The following NAA30 variants were observed in gnomAD, a reference collection of about 807,000 sequenced individuals.
The protein encoded by NAA30 is N-alpha-acetyltransferase 30.
NAA30 carries 5 observed loss-of-function variants against 31.4 expected under a neutral mutation model. The ratio of observed to expected loss-of-function variants is 0.16; its 90% CI spans 0.08 to 0.33. The LOEUF (loss-of-function observed/expected upper bound fraction) is 0.33. Ranked by LOEUF, NAA30 falls within the 10% of genes least tolerant of loss-of-function variation. The probability of loss-of-function intolerance (pLI) is 1.00; values close to 1 mark genes in which losing one functional copy is unlikely to be tolerated. For synonymous variants in NAA30, 222 were observed against 207.1 expected, an observed-to-expected ratio of 1.07 and a Z score of -0.62; for missense variants, 428 against 490.8, an observed-to-expected ratio of 0.87 and a Z score of 1.21.
In NAA30 at chr14:57,391,488, G is replaced by A. The variant is rs541444384; in HGVS notation, c.531G>A (p.Glu177=). Residue 177 remains glutamate (E), a synonymous_variant, in exon 2 of 5, where the codon GAG becomes GAA. Coordinates refer to ENST00000556492, the MANE Select transcript of NAA30 (RefSeq NM_001011713.3). The surrounding 1 kb of genome is among the most constrained non-coding windows in gnomAD (Gnocchi z 4.1). ...NGLAEGTEQE[E]EEEDEQVRLL... ...TGGCCGAGGGCACCGAGCAGGAGGA[G>A]GAGGAGGAAGACGAGCAGGTGCGGC... 2.5e-6 allele frequency: 4 copies of A among 1,613,294 alleles called. No individual in the cohort carries two copies. The highest frequency in any genetic ancestry group is 4.5e-5 in the East Asian group (2 of 44,876).
rs951290789 is a variant in NAA30, at chr14:57,412,378, G to T, written c.*2862G>T. On this transcript the variant is annotated 3_prime_UTR_variant, in exon 5 of 5. Coordinates refer to ENST00000556492, the MANE Select transcript of NAA30 (RefSeq NM_001011713.3). ...GTACTGGCTGACATGTCTAAGACTG[G>T]ATGTGTATATTTATTATGGTGTCTA... 6.6e-6 allele frequency: 1 copy of T among 152,052 alleles called. No individual in the cohort carries two copies. Among genetic ancestry groups the T allele is most frequent in the African/African-American group, 2.4e-5 (1 of 41,406 alleles). 9.4% of individuals were successfully genotyped at this position (152,052 alleles called of 1,614,324 possible).
In NAA30 at chr14:57,409,545, C is replaced by T. The variant is rs761691487; in HGVS notation, c.*29C>T. Reference sequence around the variant, plus strand: ...ACTGACATCAAGGAACAACTATCATCCGCACAGAATCGACCTTTGCATGCA... The same window carrying T: ...ACTGACATCAAGGAACAACTATCATTCGCACAGAATCGACCTTTGCATGCA... On this transcript the variant is annotated 3_prime_UTR_variant, in exon 5 of 5. Transcript: ENST00000556492. The T allele has an allele frequency of 1.3e-6, 2 of 1,582,412 alleles. No individual in the cohort carries two copies. The highest frequency in any genetic ancestry group is 1.9e-5 in the Admixed American group (1 of 51,742).
At chr14:57,404,466 A>G (rs966637064) in intron 4 of NAA30, among the ~76,000 whole-genome samples, 2 of 152,210 alleles carry the variant, frequency 1.3e-5, no homozygotes, top group African/African-American at 4.8e-5. Flanking sequence ...CACGTCATCT[A>G]ATTTTTGCTT....
At chr14:57,394,445 A>G (rs1480228104) in intron 2 of NAA30, among the ~76,000 whole-genome samples, 3 of 152,138 alleles carry the variant, frequency 2.0e-5, no homozygotes, top group Non-Finnish European at 4.4e-5. Flanking sequence ...TTGAAAAAAT[A>G]CATTTAATAG....
intron 4 of NAA30, among the ~76,000 whole-genome samples, chr14:57,404,529 A>T (rs2066490452): frequency 6.6e-6 from 1 of 152,192 alleles, no homozygotes. Context: ...ACATTACAGA[A>T]AACTTGGGAA....
At chr14:57,399,677 A>T in intron 3 of NAA30, 151 bp from the exon 4 acceptor site, 1 of 594,790 alleles carries the variant, frequency 1.7e-6, no homozygotes, top group Non-Finnish European at 3.0e-6. Flanking sequence ...GCTTATAGCT[A>T]AAATTTTTCC....
In NAA30 at chr14:57,391,174, C is replaced by T; in HGVS notation, c.217C>T (p.Arg73Cys). 1.2e-6 allele frequency: 2 copies of T among 1,609,516 alleles called. No homozygotes were observed. Among genetic ancestry groups the T allele is most frequent in the South Asian group, 2.2e-5 (2 of 90,944 alleles). Residue 73 changes from arginine to cysteine, a missense_variant, in exon 2 of 5, where the codon CGC becomes TGC. Physicochemically the swap from Arg to Cys is radical, Grantham distance 180 (BLOSUM62 -3). Transcript: ENST00000556492. This position sits in a 1 kb window ranked among gnomAD's most constrained non-coding sequence, Gnocchi z 4.1. ...TVAAKGHPCL[R>C]CPQPPQEQQQ... ...GGCGGCCAAGGGGCATCCGTGCCTC[C>T]GCTGCCCTCAGCCGCCGCAGGAGCA...
intron 2 of NAA30, among the ~76,000 whole-genome samples, chr14:57,392,782 A>G (rs1399931637): frequency 6.6e-6 from 1 of 152,174 alleles, no homozygotes; most frequent in Admixed American, 6.5e-5. Flanking sequence ...TCACTTGGTA[A>G]TTCCCTGCAA....
At chr14:57,390,885 C>G in intron 1 of NAA30, 72 bp from the exon 2 acceptor site, 2 of 1,424,954 alleles carry the variant, frequency 1.4e-6, no homozygotes, top group Non-Finnish European at 1.8e-6. Context: ...CGCCCCCCAT[C>G]CGTCGCCCCC....
At position 57,412,697 on chromosome 14, in the gene NAA30, T is replaced by C. The variant is rs1403116461; in HGVS notation, c.*3181T>C. 1 of 152,214 alleles carries C rather than the reference T, an allele frequency of 6.6e-6. No homozygotes were observed. The highest frequency in any genetic ancestry group is 1.9e-4 in the East Asian group (1 of 5,202). 9.4% of individuals were successfully genotyped at this position (152,214 alleles called of 1,614,324 possible). ...GAGAGAGATTTAATGGGATTTGAAATGTGCAAGCTGTCTAAATAAGATGCA... is the reference window on the plus strand; with the variant it reads ...GAGAGAGATTTAATGGGATTTGAAACGTGCAAGCTGTCTAAATAAGATGCA... On this transcript the variant is annotated 3_prime_UTR_variant, in exon 5 of 5. Transcript: ENST00000556492.
At chr14:57,399,656 G>A (rs1210119116) in intron 3 of NAA30, among the ~76,000 whole-genome samples, 172 bp from the exon 4 acceptor site, 1 of 152,154 alleles carries the variant, frequency 6.6e-6, no homozygotes, top group Non-Finnish European at 1.5e-5. Context: ...AGGTTCTGTT[G>A]GCTTCTCTTA....
chr14:57,391,769 TCGAGACTGTG>T lies in NAA30; in HGVS notation c.771+44_771+53del. The T allele has an allele frequency of 6.5e-7, 1 of 1,527,208 alleles. No individual in the cohort carries two copies. Among genetic ancestry groups the T allele is most frequent in the Non-Finnish European group, 8.9e-7 (1 of 1,124,256 alleles). The allele number at this position is 1,527,208 out of a possible 1,614,324, so 94.6% of individuals were successfully genotyped here. On this transcript the variant is annotated intron_variant, in intron 2 of 4. Coordinates refer to ENST00000556492, the MANE Select transcript of NAA30 (RefSeq NM_001011713.3). This position sits in a 1 kb window ranked among gnomAD's most constrained non-coding sequence, Gnocchi z 4.1. ...AAAAAGAGGGTGAACCCAGCAGTGATCGAGACTGTGCGGGGCAGGGAGTGAGGGCCCAGAA... is the reference window on the plus strand; with the variant it reads ...AAAAAGAGGGTGAACCCAGCAGTGATCGGGGCAGGGAGTGAGGGCCCAGAA...
At chr14:57,394,356 C>T (rs1373158665) in intron 2 of NAA30, among the ~76,000 whole-genome samples, 1 of 151,740 alleles carries the variant, frequency 6.6e-6, no homozygotes, top group East Asian at 1.9e-4. Flanking sequence ...TTATTTTTTT[C>T]ATAGTTTTAT....
intron 4 of NAA30, among the ~76,000 whole-genome samples, chr14:57,405,330 C>CT (rs2066494023): frequency 6.6e-6 from 1 of 151,600 alleles, no homozygotes; most frequent in Non-Finnish European, 1.5e-5. Context: ...TACAGTCATT[C>CT]TTTTTCCCCC....
chr14:57,404,059 C>T (rs761562750), intron 4 of NAA30, among the ~76,000 whole-genome samples: 21 of 152,224 alleles, frequency 1.4e-4, no homozygotes, highest in East Asian at 5.8e-4. Context: ...CGGTGTCTCA[C>T]GCCTGTAATC....
At chr14:57,397,166 A>G (rs2066454251) in intron 3 of NAA30, among the ~76,000 whole-genome samples, 1 of 152,208 alleles carries the variant, frequency 6.6e-6, no homozygotes, top group Admixed American at 6.5e-5. Flanking sequence ...CATTATGCTA[A>G]GTACCACAAG....
intron 2 of NAA30, among the ~76,000 whole-genome samples, chr14:57,396,526 A>G (rs2066451143): frequency 6.6e-6 from 1 of 152,202 alleles, no homozygotes; most frequent in Non-Finnish European, 1.5e-5. Flanking sequence ...AATAGTAAGC[A>G]TAAAAAATTC....
At chr14:57,392,681 A>G in intron 2 of NAA30, among the ~76,000 whole-genome samples, 1 of 152,218 alleles carries the variant, frequency 6.6e-6, no homozygotes, top group Non-Finnish European at 1.5e-5. Context: ...GTTGAATTTT[A>G]CTACAGAAAG....
rs745380784 is a variant in NAA30 at position 57,396,881 on chromosome 14, A to C, written c.895+6A>C. 1 of 1,612,904 alleles carries C rather than the reference A, an allele frequency of 6.2e-7. No homozygotes were observed. The highest frequency in any genetic ancestry group is 1.3e-5 in the African/African-American group (1 of 74,934). ...ATACAGGAGAAATGGCATTGGTAAG[A>C]AAAATATTATTTTATGGAAAGAATG... On this transcript the variant is annotated splice_donor_region_variant and intron_variant, in intron 3 of 4. Coordinates refer to ENST00000556492, the MANE Select transcript of NAA30 (RefSeq NM_001011713.3).
Sources: gnomAD v4.1 joint callset for allele counts (sites outside exome capture counted in the v4.1 genomes callset) on GRCh38, gnomAD v4.1.1 for gene constraint, Gnocchi (gnomAD v3.1) non-coding constraint, MANE v1.5 for transcripts, NCBI Gene and HGNC (gene_info 2026-07-23, HGNC 2026-07-21) for gene names.